The following TRPM3 variants were observed in gnomAD, a reference collection of about 807,000 sequenced individuals.
TRPM3 encodes the protein long transient receptor potential channel 3.
TRPM3 carries 77 observed loss-of-function variants against 181.2 expected under a neutral mutation model. The ratio of observed to expected loss-of-function variants is 0.42; its 90% CI spans 0.35 to 0.51. The LOEUF (loss-of-function observed/expected upper bound fraction) is 0.51. TRPM3 is among the 20% of genes least tolerant of loss of function. The pLI, the probability that TRPM3 is intolerant of heterozygous loss-of-function variation, is 0.01. For synonymous variants in TRPM3, 745 were observed against 796.4 expected (o/e 0.94, Z 1.09); for missense variants, 1,759 against 2,196.7 (o/e 0.80, Z 3.98).
intron 1 of TRPM3, among the ~76,000 whole-genome samples, chr9:70,929,859 A>G (rs1316659980): frequency 6.6e-6 from 1 of 152,184 alleles, no homozygotes. Flanking sequence ...CCTATACAAA[A>G]TTAGAATTAG....
chr9:71,119,737 T>G (rs2073208970), intron 1 of TRPM3, among the ~76,000 whole-genome samples: 1 of 152,190 alleles, frequency 6.6e-6, no homozygotes. Flanking sequence ...TGCCCCTGAC[T>G]CTTGATTCAC....
chr9:71,208,673 A>G (rs1156467405), intron 1 of TRPM3, among the ~76,000 whole-genome samples: 1 of 152,214 alleles, frequency 6.6e-6, no homozygotes, highest in Non-Finnish European at 1.5e-5. Context: ...AAAGAATATG[A>G]AAGTTTCCTA....
chr9:71,157,506 C>A (rs897653290), intron 1 of TRPM3, among the ~76,000 whole-genome samples: 6 of 152,080 alleles, frequency 3.9e-5, no homozygotes, highest in East Asian at 1.9e-4. Context: ...CAGTTAAGAG[C>A]AGGACGAGAT....
intron 1 of TRPM3, among the ~76,000 whole-genome samples, chr9:71,077,235 C>T (rs2063587861): frequency 6.6e-6 from 1 of 152,108 alleles, no homozygotes; most frequent in African/African-American, 2.4e-5. Context: ...ATCTACGTTT[C>T]GAAGTTTCCA....
chr9:70,634,857 T>G (rs1339501830), intron 12 of TRPM3, among the ~76,000 whole-genome samples: 1 of 152,172 alleles, frequency 6.6e-6, no homozygotes, highest in East Asian at 1.9e-4. Flanking sequence ...GAAGATTTAC[T>G]CTTGTGGTCA....
intron 1 of TRPM3, among the ~76,000 whole-genome samples, chr9:71,263,747 G>A (rs1036934586): frequency 1.2e-5 from 1 of 81,580 alleles, no homozygotes; most frequent in Non-Finnish European, 2.9e-5. Flanking sequence ...AATCACCCCT[G>A]GTCTCAAATA....
chr9:71,113,365 T>C (rs1214029014), intron 1 of TRPM3, among the ~76,000 whole-genome samples: 1 of 152,100 alleles, frequency 6.6e-6, no homozygotes, highest in Non-Finnish European at 1.5e-5. Flanking sequence ...GTTTTCCAGT[T>C]TGGGCAATGT....
At chr9:70,753,873 T>C (rs1333219006) in intron 8 of TRPM3, among the ~76,000 whole-genome samples, 1 of 152,228 alleles carries the variant, frequency 6.6e-6, no homozygotes, top group African/African-American at 2.4e-5. Flanking sequence ...CTAGGAGGTC[T>C]GGCCGCTGTC....
chr9:70,790,801 T>C (rs2085193962), intron 6 of TRPM3, among the ~76,000 whole-genome samples: 1 of 152,186 alleles, frequency 6.6e-6, no homozygotes, highest in Admixed American at 6.5e-5. Context: ...TTAGTAAGTT[T>C]AAGGTGCTTC....
intron 1 of TRPM3, among the ~76,000 whole-genome samples, chr9:71,400,182 C>T (rs1330610943): frequency 6.6e-6 from 1 of 152,046 alleles, no homozygotes; most frequent in Non-Finnish European, 1.5e-5. Flanking sequence ...TTCATTTTGC[C>T]ACTCCTGGAC....
Position 70,535,323 on chromosome 9 carries a change from C to G in TRPM3, c.*630G>C, listed in dbSNP as rs2041476298. ...GCACCAGAAGTGAATAGATAAGAGA[C>G]AGGTGAACTATGACTGTTACCTTGT... On this transcript the variant is annotated 3_prime_UTR_variant, in exon 26 of 26. Coordinates refer to ENST00000677713, the MANE Select transcript of TRPM3 (RefSeq NM_001366145.2). 2 of 1,262,340 alleles carry G rather than the reference C, an allele frequency of 1.6e-6. No individual in the cohort carries two copies. The highest frequency in any genetic ancestry group is 2.2e-6 in the Non-Finnish European group (2 of 892,882). The allele number at this position is 1,262,340 out of a possible 1,614,324, so 78.2% of individuals were successfully genotyped here. A position where few individuals can be genotyped will look rare whatever the true frequency, so the allele number is the denominator to read the frequency against.
At chr9:71,211,333 ATTTGTTACTGTTCT>A (rs2079486985) in intron 1 of TRPM3, among the ~76,000 whole-genome samples, 1 of 147,860 alleles carries the variant, frequency 6.8e-6, no homozygotes, top group Non-Finnish European at 1.5e-5. Flanking sequence ...TCTTTCTTTC[ATTTGTTACTGTTCT>A]TTTATATGAT....
At chr9:71,014,775 G>T (rs2097771058) in intron 1 of TRPM3, among the ~76,000 whole-genome samples, 1 of 152,022 alleles carries the variant, frequency 6.6e-6, no homozygotes, top group Non-Finnish European at 1.5e-5. Context: ...TTTGCACTGT[G>T]AGCTAATATG....
At chr9:71,264,210 C>T (rs1177950085) in intron 1 of TRPM3, among the ~76,000 whole-genome samples, 1 of 152,090 alleles carries the variant, frequency 6.6e-6, no homozygotes, top group Admixed American at 6.6e-5. Flanking sequence ...GGACAAGTAA[C>T]ACACACACCC....
At chr9:71,146,132 A>C (rs924466150) in intron 1 of TRPM3, among the ~76,000 whole-genome samples, 10 of 152,170 alleles carry the variant, frequency 6.6e-5, no homozygotes, top group African/African-American at 2.2e-4. Context: ...AATGGGAGAA[A>C]ATTTTCCCAA....
At chr9:70,908,935 G>A (rs1440956971) in intron 1 of TRPM3, among the ~76,000 whole-genome samples, 3 of 152,122 alleles carry the variant, frequency 2.0e-5, no homozygotes, top group African/African-American at 2.4e-5. Flanking sequence ...CAAAACTACC[G>A]CATCTTATGC....
At chr9:71,443,284 A>G (rs2131684722) in intron 1 of TRPM3, among the ~76,000 whole-genome samples, 1 of 152,278 alleles carries the variant, frequency 6.6e-6, no homozygotes, top group South Asian at 2.1e-4. Flanking sequence ...ATTGTAAACC[A>G]TGAAGCCTTA....
intron 1 of TRPM3, among the ~76,000 whole-genome samples, chr9:71,370,266 A>G (rs2092467834): frequency 6.6e-6 from 1 of 152,248 alleles, no homozygotes; most frequent in African/African-American, 2.4e-5. Context: ...ACTTTAAATA[A>G]AAAACTAGAA....
chr9:71,285,783 T>G (rs970685010), intron 1 of TRPM3, among the ~76,000 whole-genome samples: 3 of 151,818 alleles, frequency 2.0e-5, no homozygotes, highest in Non-Finnish European at 4.4e-5. Flanking sequence ...CCAGCTGGAG[T>G]AGGTACCAAA....
Sources: allele counts gnomAD v4.1 joint callset (sites outside exome capture counted in the v4.1 genomes callset), GRCh38; gene constraint gnomAD v4.1.1; transcripts MANE v1.5; gene names NCBI Gene and HGNC (gene_info 2026-07-23, HGNC 2026-07-21).